Variants in SPATA2 observed in about 807,000 individuals in gnomAD.
SPATA2 encodes spermatogenesis associated 2.
Under a neutral mutation model 35.4 loss-of-function variants are expected in SPATA2, and 8 were observed. That is an observed-to-expected ratio of 0.23 (90% confidence interval 0.13 to 0.41). SPATA2 has a LOEUF of 0.41. SPATA2 is among the 10% of genes least tolerant of loss of function. SPATA2 has a pLI of 1.00. For missense variants in SPATA2, 650 were observed against 698.7 expected, an observed-to-expected ratio of 0.93 and a Z score of 0.79; for synonymous variants, 293 against 300.9, an observed-to-expected ratio of 0.97 and a Z score of 0.27.
rs1248244008 is a variant in SPATA2, at chr20:49,904,872, T to C, written c.*747A>G. Reference sequence around the variant, plus strand: ...TAAAAATAAATCTCAAAAATATCTATTGACAGTACAGTAAGAGGGGCATGT... The same window carrying C: ...TAAAAATAAATCTCAAAAATATCTACTGACAGTACAGTAAGAGGGGCATGT... On this transcript the variant is annotated 3_prime_UTR_variant, in exon 3 of 3. Transcript: ENST00000289431. The C allele has an allele frequency of 6.6e-6, 1 of 152,570 alleles. No individual in the cohort carries two copies. Among genetic ancestry groups the C allele is most frequent in the African/African-American group, 2.4e-5 (1 of 41,426 alleles). The allele number at this position is 152,570 out of a possible 1,614,324, so 9.5% of individuals were successfully genotyped here.
In SPATA2 at chr20:49,905,572, A is replaced by C. The variant is rs781712557; in HGVS notation, c.*47T>G. 1 of 1,595,572 alleles carries C rather than the reference A, an allele frequency of 6.3e-7. No homozygotes were observed. The highest frequency in any genetic ancestry group is 8.6e-7 in the Non-Finnish European group (1 of 1,168,432). On this transcript the variant is annotated 3_prime_UTR_variant, in exon 3 of 3. Coordinates refer to ENST00000289431, the MANE Select transcript of SPATA2 (RefSeq NM_006038.4). ...TAGTACTTCTTCACCGTGAAACCCGAAAGGTCGGTTGATGTAGCCCTTGGA... is the reference window on the plus strand; with the variant it reads ...TAGTACTTCTTCACCGTGAAACCCGCAAGGTCGGTTGATGTAGCCCTTGGA...
intron 1 of SPATA2, among the ~76,000 whole-genome samples, chr20:49,910,309 T>C (rs1018741679): frequency 6.6e-6 from 1 of 152,166 alleles, no homozygotes; most frequent in Admixed American, 6.5e-5. Flanking sequence ...AGCGCCTCTG[T>C]CCAGAGCTGG....
At chr20:49,914,580 A>G (rs1421070213) in intron 1 of SPATA2, among the ~76,000 whole-genome samples, 2 of 152,078 alleles carry the variant, frequency 1.3e-5, no homozygotes, top group Admixed American at 6.6e-5. Flanking sequence ...GCTGTGAAAC[A>G]CCAGAAGGTC....
chr20:49,908,291 T>G lies in SPATA2; in HGVS notation c.200A>C (p.Tyr67Ser). 6.2e-7 allele frequency: 1 copy of G among 1,614,188 alleles called. No homozygotes were observed. Reference sequence around the variant, plus strand: ...GCGCAAGGAGCTCTCCACCACCTCATAGAACTGGATCAGCCGGAATCGATA... The same window carrying G: ...GCGCAAGGAGCTCTCCACCACCTCAGAGAACTGGATCAGCCGGAATCGATA... ...PFYRFRLIQF[Y>S]EVVESSLRSL... The change falls in exon 2 of 3, where the codon TAT becomes TCT. Residue 67 changes from tyrosine (Y) to serine (S), a missense_variant. Physicochemically the swap from Tyr to Ser is moderately radical, Grantham distance 144. Coordinates refer to ENST00000289431, the MANE Select transcript of SPATA2 (RefSeq NM_006038.4).
At chr20:49,910,239 T>G (rs2284646) in intron 1 of SPATA2, among the ~76,000 whole-genome samples, 5,631 of 152,264 alleles carry the variant, frequency 0.037, 146 homozygotes, top group East Asian at 0.092. Context: ...CCAGGTTACT[T>G]GGGCAAATTG....
At chr20:49,914,755 T>G (rs1300837393) in intron 1 of SPATA2, among the ~76,000 whole-genome samples, 2 of 152,204 alleles carry the variant, frequency 1.3e-5, no homozygotes, top group Non-Finnish European at 2.9e-5. Flanking sequence ...AGCTGGCGGC[T>G]GCTAAGTCCC....
chr20:49,907,507 C>T (rs1049617360), intron 2 of SPATA2, among the ~76,000 whole-genome samples: 11 of 152,152 alleles, frequency 7.2e-5, no homozygotes, highest in Non-Finnish European at 1.5e-5. Context: ...TCAGAACGTT[C>T]CTCTCTGGTA....
At position 49,905,665 on chromosome 20, in the gene SPATA2, T is replaced by C. The variant is rs1225841309; in HGVS notation, c.1517A>G (p.Gln506Arg). Residue 506 changes from glutamine (Q) to arginine (R), a missense_variant, in exon 3 of 3, where the codon CAG becomes CGG. Coordinates refer to ENST00000289431, the MANE Select transcript of SPATA2 (RefSeq NM_006038.4). ...SELHKFMPNNQLNYKSTQLSH... is the reference protein window; with the variant it reads ...SELHKFMPNNRLNYKSTQLSH... ...GAGCTGGGTGGACTTGTAGTTCAGC[T>C]GGTTGTTGGGCATGAACTTGTGCAG... The C allele has an allele frequency of 6.2e-7, 1 of 1,614,232 alleles. No individual in the cohort carries two copies. The highest frequency in any genetic ancestry group is 8.5e-7 in the Non-Finnish European group (1 of 1,180,036).
intron 1 of SPATA2, chr20:49,913,865 T>C (rs1437032018): frequency 6.6e-6 from 1 of 152,246 alleles, no homozygotes; most frequent in East Asian, 1.9e-4. Context: ...GTGTTTTTTC[T>C]GAGCACAGAG....
rs1200732580 is a variant in SPATA2, at chr20:49,903,898, GATAGATATATATATATATATATATAT to G, written c.*1695_*1720del. 235 of 86,132 alleles carry G rather than the reference GATAGATATATATATATATATATATAT, an allele frequency of 2.7e-3. 4 individuals are homozygous for G. The highest frequency in any genetic ancestry group is 0.012 in the South Asian group (32 of 2,698). 5.3% of individuals were successfully genotyped at this position (86,132 alleles called of 1,614,324 possible). On this transcript the variant is annotated 3_prime_UTR_variant, in exon 3 of 3. Transcript: ENST00000289431. ...CTGTACATCTACATGTGATCTACCAGATAGATATATATATATATATATATATATATATATATATATATATATATATA... is the reference window on the plus strand; with the variant it reads ...CTGTACATCTACATGTGATCTACCAGATATATATATATATATATATATATA...
Position 49,906,857 on chromosome 20 carries a change from G to A in SPATA2, c.337-12C>T. ...GGGCCCGTGTAGGTCTAGAAGGGAG[G>A]GAGTAGAAAAGAAAGGTGGGGTTTT... On this transcript the variant is annotated splice_polypyrimidine_tract_variant and intron_variant, in intron 2 of 2. Transcript: ENST00000289431. The surrounding 1 kb of genome is among the most constrained non-coding windows in gnomAD (Gnocchi z 8.2). 1.3e-6 allele frequency: 2 copies of A among 1,588,080 alleles called. No homozygotes were observed. The highest frequency in any genetic ancestry group is 1.7e-6 in the Non-Finnish European group (2 of 1,165,346).
chr20:49,911,812 G>T (rs34802008), intron 1 of SPATA2, among the ~76,000 whole-genome samples: 1 of 152,172 alleles, frequency 6.6e-6, no homozygotes, highest in African/African-American at 2.4e-5. Flanking sequence ...GCAAAGAAAC[G>T]GGCTCAGAAA....
chr20:49,911,380 G>A (rs906895778), intron 1 of SPATA2, among the ~76,000 whole-genome samples: 5 of 152,072 alleles, frequency 3.3e-5, no homozygotes, highest in African/African-American at 1.2e-4. Flanking sequence ...AATGGATGCT[G>A]CAGCCAGGCA....
intron 1 of SPATA2, among the ~76,000 whole-genome samples, chr20:49,914,968 A>C (rs1272359451): frequency 6.6e-6 from 1 of 152,200 alleles, no homozygotes; most frequent in Non-Finnish European, 1.5e-5. Flanking sequence ...CAATCACTTA[A>C]ATAGGCAACT....
chr20:49,912,816 A>G (rs2090188674), intron 1 of SPATA2, among the ~76,000 whole-genome samples: 1 of 152,154 alleles, frequency 6.6e-6, no homozygotes. Context: ...AAGGACAGGA[A>G]GCCTATCTAA....
At position 49,908,538 on chromosome 20, in the gene SPATA2, G is replaced by A; in HGVS notation, c.-48C>T. 5 of 1,468,754 alleles carry A rather than the reference G, an allele frequency of 3.4e-6. No individual in the cohort carries two copies. The highest frequency in any genetic ancestry group is 4.6e-6 in the Non-Finnish European group (5 of 1,076,156). 91.0% of individuals were successfully genotyped at this position (1,468,754 alleles called of 1,614,324 possible). ...TCTCCTCCATGGCTTCTGGATTAGA[G>A]GCAGGGACATCACTAAAAGCATGGA... On this transcript the variant is annotated 5_prime_UTR_variant, in exon 2 of 3. Coordinates refer to ENST00000289431, the MANE Select transcript of SPATA2 (RefSeq NM_006038.4).
intron 1 of SPATA2, among the ~76,000 whole-genome samples, chr20:49,911,227 T>C (rs944050736): frequency 5.9e-5 from 9 of 152,206 alleles, no homozygotes; most frequent in Admixed American, 3.9e-4. Context: ...CATTCATTCA[T>C]TAGCTTCCTC....
chr20:49,908,572 C>T lies in SPATA2; in HGVS notation c.-82G>A, dbSNP rs1348113122. ...ATCACTAAAAGCATGGACATGTTGC[C>T]GCCTGGACCAGCGGAGTGCTCTGGA... On this transcript the variant is annotated 5_prime_UTR_variant, in exon 2 of 3. Coordinates refer to ENST00000289431, the MANE Select transcript of SPATA2 (RefSeq NM_006038.4). 3.4e-6 allele frequency: 4 copies of T among 1,177,328 alleles called. No homozygotes were observed. Among genetic ancestry groups the T allele is most frequent in the Non-Finnish European group, 3.6e-6 (3 of 829,908 alleles). 72.9% of individuals were successfully genotyped at this position (1,177,328 alleles called of 1,614,324 possible).
intron 1 of SPATA2, among the ~76,000 whole-genome samples, chr20:49,914,863 A>C (rs965002818): frequency 3.9e-5 from 6 of 152,170 alleles, no homozygotes; most frequent in Non-Finnish European, 7.4e-5. Context: ...GAATTGAATG[A>C]AGTAACAGGA....
Sources: gnomAD v4.1 joint callset for allele counts (sites outside exome capture counted in the v4.1 genomes callset) on GRCh38, gnomAD v4.1.1 for gene constraint, Gnocchi (gnomAD v3.1) non-coding constraint, MANE v1.5 for transcripts, NCBI Gene and HGNC (gene_info 2026-07-23, HGNC 2026-07-21) for gene names.